HEATR5A: variants seen among roughly 807,000 people sequenced by gnomAD.
HEATR5A encodes the protein HEAT repeat containing 5A.
In HEATR5A, 178 loss-of-function variants were observed where a neutral mutation model predicts 218.8. That is an observed-to-expected ratio of 0.81 (90% CI 0.72 to 0.92). The LOEUF (loss-of-function observed/expected upper bound fraction) is 0.92, where lower values mean the gene tolerates loss of function less well. HEATR5A is among the 40% of genes least tolerant of loss of function. The pLI, the probability that HEATR5A is intolerant of heterozygous loss-of-function variation, is 0.00. For synonymous variants in HEATR5A, 864 were observed against 871.6 expected, an observed-to-expected ratio of 0.99 and a Z score of 0.15; for missense variants, 2,420 against 2,418.9, an observed-to-expected ratio of 1.00 and a Z score of -0.01.
At chr14:31,362,621 A>C (rs1358949271) in intron 14 of HEATR5A, among the ~76,000 whole-genome samples, 1 of 148,844 alleles carries the variant, frequency 6.7e-6, no homozygotes, top group Non-Finnish European at 1.5e-5. Context: ...AAAAAAAAAA[A>C]AAAAAAAAAA....
At chr14:31,355,784 C>T (rs1437198567) in intron 16 of HEATR5A, among the ~76,000 whole-genome samples, 3 of 152,180 alleles carry the variant, frequency 2.0e-5, no homozygotes, top group Non-Finnish European at 4.4e-5. Flanking sequence ...AATATCTTGA[C>T]TTTCCAACCG....
intron 13 of HEATR5A, among the ~76,000 whole-genome samples, chr14:31,370,373 A>G (rs1901993025): frequency 6.6e-6 from 1 of 152,228 alleles, no homozygotes; most frequent in Non-Finnish European, 1.5e-5. Flanking sequence ...TTATACTTAA[A>G]CCGTCAGGAA....
rs183340587 is a variant in HEATR5A at position 31,293,634 on chromosome 14, T to C, written c.5834-22A>G. 2.1e-4 allele frequency: 324 copies of C among 1,571,686 alleles called. 4 individuals carry two copies. In the Admixed American group the frequency reaches 6.2e-3, roughly 30 times the overall value. On this transcript the variant is annotated intron_variant, in intron 35 of 35. Coordinates refer to ENST00000543095, the MANE Select transcript of HEATR5A (RefSeq NM_015473.4). ...GCGCCTAGAAAGTAAACAAATAATA[T>C]AAGTTCAGTGACATAAATGTTTCTA...
intron 11 of HEATR5A, among the ~76,000 whole-genome samples, chr14:31,376,336 C>G (rs931411303): frequency 6.6e-6 from 1 of 151,948 alleles, no homozygotes; most frequent in Non-Finnish European, 1.5e-5. Flanking sequence ...GTCAACACAC[C>G]GAAATCTTTC....
At chr14:31,312,413 CCT>C (rs1491265197) in intron 28 of HEATR5A, among the ~76,000 whole-genome samples, 20 of 149,340 alleles carry the variant, frequency 1.3e-4, no homozygotes, top group African/African-American at 4.9e-4. Context: ...GTGGGTGTGT[CCT>C]TTTTTTTTTT....
At chr14:31,402,203 G>C (rs1395014572) in intron 2 of HEATR5A, among the ~76,000 whole-genome samples, 2 of 152,196 alleles carry the variant, frequency 1.3e-5, no homozygotes, top group African/African-American at 4.8e-5. Flanking sequence ...TCCATGAGTA[G>C]TGTTTTTCTA....
chr14:31,313,270 A>T, intron 27 of HEATR5A, 80 bp from the exon 28 acceptor site: 1 of 1,036,642 alleles, frequency 9.6e-7, no homozygotes, highest in African/African-American at 1.6e-5. Flanking sequence ...CTTCCTGAAG[A>T]GGCAGACTTA....
intron 14 of HEATR5A, among the ~76,000 whole-genome samples, chr14:31,363,173 A>T (rs534177924): frequency 2.0e-5 from 3 of 151,450 alleles, no homozygotes; most frequent in East Asian, 3.9e-4. Flanking sequence ...CAGGAGGCAG[A>T]GGTTTCAGTG....
rs200301474 is a variant in HEATR5A at position 31,364,873 on chromosome 14, GGTTT to G, written c.1962-579_1962-576del. ...TTGCTAAAGGACTACTACTGTTTTT[GGTTT>G]GTTTGTTTTGTTTTGAGATGGAGTC... On this transcript the variant is annotated intron_variant, in intron 13 of 35. Transcript: ENST00000543095. Among the ~76,000 whole-genome samples the G allele has an allele frequency of 8.9e-3, 1,354 of 152,038 alleles. 14 individuals carry two copies. The highest frequency in any genetic ancestry group is 0.031 in the African/African-American group (1,281 of 41,498).
At chr14:31,415,139 G>C (rs1236687063) in intron 1 of HEATR5A, among the ~76,000 whole-genome samples, 1 of 152,108 alleles carries the variant, frequency 6.6e-6, no homozygotes, top group South Asian at 2.1e-4. Flanking sequence ...CGCCCGGCTG[G>C]TTCCTACTTT....
intron 13 of HEATR5A, among the ~76,000 whole-genome samples, chr14:31,370,098 C>T (rs1279537017): frequency 6.6e-6 from 1 of 150,944 alleles, no homozygotes; most frequent in Non-Finnish European, 1.5e-5. Context: ...TGGTGGTGGG[C>T]GCTTGTAGTC....
At chr14:31,338,989 A>ACACACCT (rs1900752563) in intron 21 of HEATR5A, among the ~76,000 whole-genome samples, 2 of 151,590 alleles carry the variant, frequency 1.3e-5, no homozygotes, top group Non-Finnish European at 2.9e-5. Context: ...GCATGGTGGC[A>ACACACCT]GGTGTCTGTA....
intron 11 of HEATR5A, among the ~76,000 whole-genome samples, chr14:31,378,089 G>A (rs936062517): frequency 1.3e-5 from 2 of 152,152 alleles, no homozygotes; most frequent in African/African-American, 4.8e-5. Flanking sequence ...TGAACACCCA[G>A]CAATAAGCAA....
At chr14:31,301,828 T>C (rs866316700) in intron 33 of HEATR5A, among the ~76,000 whole-genome samples, 1 of 144,172 alleles carries the variant, frequency 6.9e-6, no homozygotes, top group South Asian at 2.3e-4. Context: ...TTTTTTTTTT[T>C]TTTTTTTGAG....
chr14:31,346,638 G>A (rs1901031888), intron 19 of HEATR5A, among the ~76,000 whole-genome samples: 1 of 152,176 alleles, frequency 6.6e-6, no homozygotes, highest in South Asian at 2.1e-4. Context: ...TCAGTTGATG[G>A]GACTGGAATA....
chr14:31,376,207 T>A (rs560232470), intron 11 of HEATR5A, among the ~76,000 whole-genome samples: 38 of 152,312 alleles, frequency 2.5e-4, no homozygotes, highest in Middle Eastern at 6.8e-3. Context: ...GAGGCGTATA[T>A]GAGTTTATAC....
rs574126398 is a variant in HEATR5A, at chr14:31,394,944, G to A, written c.597+255C>T. On this transcript the variant is annotated intron_variant, in intron 5 of 35. Coordinates refer to ENST00000543095, the MANE Select transcript of HEATR5A (RefSeq NM_015473.4). ...TGTAAATTTTAATTTACACAATTACGGAGAAAACATAGTAGAGTAGAATGA... is the reference window on the plus strand; with the variant it reads ...TGTAAATTTTAATTTACACAATTACAGAGAAAACATAGTAGAGTAGAATGA... Among the ~76,000 whole-genome samples, 3 of 152,018 alleles carry A rather than the reference G, an allele frequency of 2.0e-5. 1 individual carries two copies. Among genetic ancestry groups the A allele is most frequent in the African/African-American group, 7.2e-5 (3 of 41,458 alleles).
chr14:31,378,071 G>A (rs543010476), intron 11 of HEATR5A, among the ~76,000 whole-genome samples: 2 of 152,210 alleles, frequency 1.3e-5, no homozygotes, highest in Non-Finnish European at 1.5e-5. Flanking sequence ...ACTTCAATAC[G>A]GCAGGCATGA....
intron 21 of HEATR5A, among the ~76,000 whole-genome samples, chr14:31,339,959 A>T (rs938375400): frequency 6.6e-6 from 1 of 152,220 alleles, no homozygotes; most frequent in Admixed American, 6.5e-5. Flanking sequence ...CAGGTGCAGC[A>T]TTTATTCAGG....
Sources: allele counts gnomAD v4.1 joint callset (sites outside exome capture counted in the v4.1 genomes callset), GRCh38; gene constraint gnomAD v4.1.1; transcripts MANE v1.5; gene names NCBI Gene and HGNC (gene_info 2026-07-23, HGNC 2026-07-21).